TBXAS1: variants seen among roughly 807,000 people sequenced by gnomAD.
TBXAS1 encodes thromboxane-A synthase.
TBXAS1 carries 48 observed loss-of-function variants against 60.7 expected under a neutral mutation model. The observed-to-expected ratio is 0.79, with a 90% confidence interval of 0.63 to 1.01. The LOEUF is 1.01. TBXAS1 is among the 50% of genes least tolerant of loss of function. TBXAS1 has a pLI of 0.00. For synonymous variants in TBXAS1, 287 were observed against 269.7 expected, an observed-to-expected ratio of 1.06 and a Z score of -0.63; for missense variants, 685 against 686.3, an observed-to-expected ratio of 1.00 and a Z score of 0.02.
chr7:139,986,740 C>T (rs9801209), intron 9 of TBXAS1, among the ~76,000 whole-genome samples: 25,186 of 66,188 alleles, frequency 0.38, 4,319 homozygotes, highest in East Asian at 0.72. Flanking sequence ...TATATATATA[C>T]ATACATATAT....
chr7:139,942,317 A>G (rs1304602261), intron 5 of TBXAS1, among the ~76,000 whole-genome samples: 1 of 152,266 alleles, frequency 6.6e-6, no homozygotes, highest in Non-Finnish European at 1.5e-5. Context: ...CCTGCAGTAA[A>G]GAAACCTGCT....
At chr7:139,867,231 CT>C (rs543946035) in intron 1 of TBXAS1, among the ~76,000 whole-genome samples, 2 of 152,312 alleles carry the variant, frequency 1.3e-5, no homozygotes, top group African/African-American at 4.8e-5. Flanking sequence ...CCAAGGGAAT[CT>C]TTCACCATTT....
intron 10 of TBXAS1, among the ~76,000 whole-genome samples, chr7:140,014,345 G>A (rs1051758379): frequency 2.6e-5 from 4 of 152,162 alleles, no homozygotes; most frequent in Non-Finnish European, 5.9e-5. Flanking sequence ...CCGACTTCGA[G>A]GATTCTGTGG....
intron 8 of TBXAS1, among the ~76,000 whole-genome samples, chr7:139,960,532 AG>A (rs1349590934): frequency 2.6e-5 from 4 of 151,980 alleles, no homozygotes; most frequent in African/African-American, 9.7e-5. Context: ...GATCACCTGA[AG>A]TCAGGAGTTC....
chr7:139,779,189 A>G (rs889398941), intron 1 of TBXAS1, among the ~76,000 whole-genome samples: 1 of 152,212 alleles, frequency 6.6e-6, no homozygotes, highest in African/African-American at 2.4e-5. Context: ...CTAACACTGT[A>G]TAACTTTCTT....
intron 9 of TBXAS1, among the ~76,000 whole-genome samples, chr7:139,996,153 GA>G (rs983406971): frequency 1.1e-4 from 17 of 148,578 alleles, no homozygotes; most frequent in Admixed American, 9.4e-4. Flanking sequence ...TTTTTTTAGA[GA>G]TGGGGTTTCA....
At chr7:139,842,134 T>C (rs1048650908) in intron 1 of TBXAS1, among the ~76,000 whole-genome samples, 1 of 152,196 alleles carries the variant, frequency 6.6e-6, no homozygotes, top group African/African-American at 2.4e-5. Flanking sequence ...GAGTTGGTTT[T>C]TGGTTTTGGT....
intron 4 of TBXAS1, among the ~76,000 whole-genome samples, chr7:139,925,059 C>T (rs1806779331): frequency 6.6e-6 from 1 of 152,136 alleles, no homozygotes; most frequent in Non-Finnish European, 1.5e-5. Flanking sequence ...GTTACTATAG[C>T]TCTGTCATAT....
chr7:139,809,206 AGATAGATAGATAGATAGATAGATAGAT>A (rs1490197761), intron 4 of TBXAS1, among the ~76,000 whole-genome samples: 7 of 125,072 alleles, frequency 5.6e-5, no homozygotes, highest in East Asian at 4.3e-4. Context: ...GATGATAGAT[AGATAGATAGATAGATAGATAGATAGAT>A]GATAGATAGA....
chr7:139,980,405 T>C (rs747551513), intron 9 of TBXAS1, among the ~76,000 whole-genome samples: 7 of 152,104 alleles, frequency 4.6e-5, no homozygotes, highest in Non-Finnish European at 8.8e-5. Context: ...GTGTAATCCA[T>C]CCCTGCTGGT....
At chr7:139,931,573 G>A (rs1054649651) in intron 4 of TBXAS1, among the ~76,000 whole-genome samples, 2 of 152,298 alleles carry the variant, frequency 1.3e-5, no homozygotes, top group African/African-American at 4.8e-5. Flanking sequence ...TGAAAGGCAC[G>A]CCTCACATGG....
Position 139,965,458 on chromosome 7 carries a change from G to A in TBXAS1, c.1134+3225G>A, listed in dbSNP as rs751554179. 1.1e-3 allele frequency among the ~76,000 whole-genome samples: 168 copies of A among 152,174 alleles called. 1 individual carries two copies. The highest frequency in any genetic ancestry group is 1.5e-3 in the East Asian group (8 of 5,184). Reference sequence around the variant, plus strand: ...TTTATTTTATTTTATTTTTTGAGATGGAGTCTCGCTCTGTCATCCAGGCTG... The same window carrying A: ...TTTATTTTATTTTATTTTTTGAGATAGAGTCTCGCTCTGTCATCCAGGCTG... On this transcript the variant is annotated intron_variant, in intron 9 of 12. Coordinates refer to ENST00000448866, the MANE Select transcript of TBXAS1 (RefSeq NM_001061.7).
chr7:139,872,234 G>A lies in TBXAS1; in HGVS notation c.90-1G>A, dbSNP rs765686939. The A allele has an allele frequency of 6.2e-7, 1 of 1,613,714 alleles. No individual in the cohort carries two copies. The highest frequency in any genetic ancestry group is 1.1e-5 in the South Asian group (1 of 91,084). On this transcript the variant is annotated splice_acceptor_variant, in intron 1 of 12. Transcript: ENST00000448866. LOFTEE classifies it high-confidence loss of function. ...CTTTTGAAATCTGCTTTTCCCTCCA[G>A]GTACTCCACATCAGCATTCTCAAGA...
chr7:139,901,932 A>G (rs1804612646), intron 3 of TBXAS1, among the ~76,000 whole-genome samples: 1 of 151,970 alleles, frequency 6.6e-6, no homozygotes, highest in South Asian at 2.1e-4. Flanking sequence ...GTGACTTTTT[A>G]AAAATTTTTA....
chr7:139,856,217 C>G (rs1029781098), intron 1 of TBXAS1, among the ~76,000 whole-genome samples: 1 of 152,184 alleles, frequency 6.6e-6, no homozygotes, highest in Non-Finnish European at 1.5e-5. Context: ...TGGCTTCAAC[C>G]CTTAATTGTT....
intron 10 of TBXAS1, among the ~76,000 whole-genome samples, chr7:140,008,934 A>G (rs1323626183): frequency 6.6e-6 from 1 of 152,206 alleles, no homozygotes; most frequent in Non-Finnish European, 1.5e-5. Flanking sequence ...TGGCTTGGTG[A>G]CCAGGGCTCC....
At position 139,866,308 on chromosome 7, in the gene TBXAS1, A is replaced by C. The variant is rs73734126; in HGVS notation, c.90-5927A>C. Among the ~76,000 whole-genome samples, 1,427 of 152,352 alleles carry C rather than the reference A, an allele frequency of 9.4e-3. 29 individuals carry two copies. Among genetic ancestry groups the C allele is most frequent in the African/African-American group, 0.032 (1,334 of 41,576 alleles). On this transcript the variant is annotated intron_variant, in intron 1 of 12. Coordinates refer to ENST00000448866, the MANE Select transcript of TBXAS1 (RefSeq NM_001061.7). ...GTAGCTAAAATATAGAAAACACGCT[A>C]AGTATTTGACAATAAGAATGGTTTA...
chr7:139,889,769 C>T (rs1408178765), intron 3 of TBXAS1, among the ~76,000 whole-genome samples: 2 of 152,222 alleles, frequency 1.3e-5, no homozygotes, highest in Admixed American at 6.5e-5. Context: ...CAAGAGGGCT[C>T]TGCCCTCATG....
chr7:139,815,069 T>C (rs1278623824), intron 4 of TBXAS1, among the ~76,000 whole-genome samples: 2 of 152,222 alleles, frequency 1.3e-5, no homozygotes, highest in African/African-American at 2.4e-5. Flanking sequence ...ACTGTCTACA[T>C]GATACTGATA....
Sources: allele counts gnomAD v4.1 joint callset (sites outside exome capture counted in the v4.1 genomes callset), GRCh38; gene constraint gnomAD v4.1.1; transcripts MANE v1.5; gene names NCBI Gene and HGNC (gene_info 2026-07-23, HGNC 2026-07-21).